CACNA1E: variants seen among roughly 807,000 people sequenced by gnomAD.
The protein encoded by CACNA1E is calcium voltage-gated channel subunit alpha1 E, also known as voltage-dependent R-type calcium channel subunit alpha-1E.
CACNA1E carries 40 observed loss-of-function variants against 259.2 expected under a neutral mutation model. The ratio of observed to expected loss-of-function variants is 0.15; its 90% CI spans 0.12 to 0.20. The LOEUF is 0.20. Among genes scored for constraint, CACNA1E ranks in the 10% least tolerant of loss-of-function variants. CACNA1E has a pLI of 1.00. For missense variants in CACNA1E, 1,874 were observed against 3,040.1 expected (o/e 0.62, Z 9.02); for synonymous variants, 1,104 against 1,138.5 (o/e 0.97, Z 0.61).
intron 1 of CACNA1E, among the ~76,000 whole-genome samples, chr1:181,377,239 A>G (rs1381297394): frequency 6.6e-6 from 1 of 152,194 alleles, no homozygotes; most frequent in African/African-American, 2.4e-5. Flanking sequence ...GTGGAGTTTT[A>G]GTTGGACTTC....
intron 44 of CACNA1E, 89 bp from the exon 45 acceptor site, chr1:181,793,576 A>C: frequency 1.4e-6 from 2 of 1,420,408 alleles, no homozygotes; most frequent in Non-Finnish European, 1.9e-6. Context: ...TTTGAAAGCC[A>C]TTCTTGAGGA....
At chr1:181,599,369 C>T (rs990652348) in intron 6 of CACNA1E, among the ~76,000 whole-genome samples, 21 of 152,096 alleles carry the variant, frequency 1.4e-4, no homozygotes, top group Admixed American at 4.6e-4. Context: ...CTATCATTGA[C>T]GGGCATTTAG....
intron 37 of CACNA1E, among the ~76,000 whole-genome samples, chr1:181,772,731 A>G (rs1659628661): frequency 6.6e-6 from 1 of 152,186 alleles, no homozygotes; most frequent in African/African-American, 2.4e-5. Context: ...AATGGAATAA[A>G]TGTGGTTCTC....
rs772477146 is a variant in CACNA1E, at chr1:181,472,722, CGT to C, written c.435-11014_435-11013del. Among the ~76,000 whole-genome samples the C allele has an allele frequency of 1.1e-3, 164 of 152,246 alleles. 2 individuals are homozygous for C. Among genetic ancestry groups the C allele is most frequent in the Admixed American group, 1.7e-3 (26 of 15,294 alleles). On this transcript the variant is annotated intron_variant, in intron 2 of 11. Transcript: ENST00000524607. ...TCTTCAGGTTTTAGATGCACGCGTG[CGT>C]GTGTGTGCGCGCGCACTTGAGGTAT...
At chr1:181,685,328 T>C (rs777895250) in intron 7 of CACNA1E, among the ~76,000 whole-genome samples, 1 of 151,218 alleles carries the variant, frequency 6.6e-6, no homozygotes, top group Non-Finnish European at 1.5e-5. Context: ...CAACCATATA[T>C]ATTATACCTC....
rs556662313 is a variant in CACNA1E, at chr1:181,496,194, A to G, written c.266+12184A>G. Among the ~76,000 whole-genome samples the G allele has an allele frequency of 7.2e-5, 11 of 152,348 alleles. No homozygotes were observed. In the South Asian group the frequency reaches 2.3e-3, roughly 32 times the overall value. ...TTTATATGTTTCTAATGCTGATTTT[A>G]TACCAGTATTGTACCTAAGGACATA... is the stretch of plus-strand genomic sequence containing the variant. On this transcript the variant is annotated intron_variant, in intron 1 of 47. Transcript: ENST00000367573.
At chr1:181,334,873 G>A (rs1461839618) in intron 1 of CACNA1E, among the ~76,000 whole-genome samples, 1 of 152,204 alleles carries the variant, frequency 6.6e-6, no homozygotes, top group Non-Finnish European at 1.5e-5. Flanking sequence ...GTAGAAGTTA[G>A]AGCCTTAAAA....
In CACNA1E at chr1:181,771,330, T is replaced by C; in HGVS notation, c.4919T>C (p.Ile1640Thr). The change falls in exon 36 of 48, where the codon ATC (isoleucine) becomes ACC (threonine). Residue 1640 changes from isoleucine (I) to threonine (T), a missense_variant. Physicochemically the swap from Ile to Thr is moderately conservative, Grantham distance 89. Coordinates refer to ENST00000367573, the MANE Select transcript of CACNA1E (RefSeq NM_001205293.3). ...GNIKLDEESH[I>T]NRHNNFRSFF... is the part of the protein sequence containing the mutation. ...ATAAAATTAGACGAGGAGAGTCACA[T>C]CAACCGGCACAACAACTTCCGGAGT... is the stretch of plus-strand genomic sequence containing the variant. 6.2e-7 allele frequency: 1 copy of C among 1,601,372 alleles called. No homozygotes were observed. The highest frequency in any genetic ancestry group is 1.1e-5 in the South Asian group (1 of 88,824).
intron 6 of CACNA1E, among the ~76,000 whole-genome samples, chr1:181,598,296 G>A (rs887352299): frequency 1.3e-5 from 2 of 152,216 alleles, no homozygotes; most frequent in African/African-American, 4.8e-5. Flanking sequence ...CTTGTGTTCA[G>A]TGGATGCCTT....
chr1:181,590,016 T>C (rs1652470552), intron 6 of CACNA1E, among the ~76,000 whole-genome samples: 1 of 152,154 alleles, frequency 6.6e-6, no homozygotes, highest in Non-Finnish European at 1.5e-5. Context: ...ATCCTCTCCT[T>C]AGCTGGTCCT....
rs191187288 is a variant in CACNA1E at position 181,772,242 on chromosome 1, T to C, written c.5139+11T>C. On this transcript the variant is annotated intron_variant, in intron 37 of 47. Transcript: ENST00000367573. ...TTCTGCTCCTTCTTGGTGAGCAACA[T>C]TGTGCTTTTGCCTTGCTATGTGGCC... 1.9e-6 allele frequency: 3 copies of C among 1,610,424 alleles called. No individual in the cohort carries two copies. Among genetic ancestry groups the C allele is most frequent in the East Asian group, 2.2e-5 (1 of 44,828 alleles).
chr1:181,548,024 A>G (rs920182362), intron 3 of CACNA1E, among the ~76,000 whole-genome samples: 1 of 152,186 alleles, frequency 6.6e-6, no homozygotes, highest in Non-Finnish European at 1.5e-5. Context: ...CCTGTCCACT[A>G]ACAGCATTGT....
chr1:181,405,801 C>G (rs146145821), intron 1 of CACNA1E, among the ~76,000 whole-genome samples: 1 of 152,324 alleles, frequency 6.6e-6, no homozygotes, highest in Non-Finnish European at 1.5e-5. Context: ...TAGGCCTTGC[C>G]TGTAAGCCTC....
At chr1:181,487,839 T>A (rs1037033806) in intron 1 of CACNA1E, among the ~76,000 whole-genome samples, 1 of 152,196 alleles carries the variant, frequency 6.6e-6, no homozygotes, top group African/African-American at 2.4e-5. Flanking sequence ...GCTTGGAGAC[T>A]CTATGCCAGA....
At chr1:181,756,144 T>C in intron 29 of CACNA1E, 51 bp downstream of exon 29, 2 of 1,549,880 alleles carry the variant, frequency 1.3e-6, no homozygotes, top group South Asian at 1.2e-5. Flanking sequence ...GGACCCCTGG[T>C]TGCCTTGAGA....
chr1:181,713,332 T>G (rs971454483), intron 8 of CACNA1E, among the ~76,000 whole-genome samples: 26 of 152,318 alleles, frequency 1.7e-4, no homozygotes, highest in African/African-American at 6.0e-4. Flanking sequence ...AAGTTCCTAA[T>G]TTTTAAATGA....
chr1:181,571,909 C>T (rs1332218425), intron 3 of CACNA1E, among the ~76,000 whole-genome samples: 1 of 152,116 alleles, frequency 6.6e-6, no homozygotes, highest in Non-Finnish European at 1.5e-5. Flanking sequence ...CTGGTGTTTT[C>T]TGGTTACTAC....
chr1:181,645,431 C>CT (rs1658177996), intron 6 of CACNA1E, among the ~76,000 whole-genome samples: 1 of 152,138 alleles, frequency 6.6e-6, no homozygotes, highest in African/African-American at 2.4e-5. Context: ...TCCCCACCCT[C>CT]TTTTTTCTTC....
At chr1:181,584,385 A>G (rs772483995) in intron 6 of CACNA1E, among the ~76,000 whole-genome samples, 24 of 152,180 alleles carry the variant, frequency 1.6e-4, no homozygotes, top group Non-Finnish European at 2.9e-4. Flanking sequence ...CCAAGCTGCT[A>G]TGGTGGAAGG....
Sources: allele counts gnomAD v4.1 joint callset (sites outside exome capture counted in the v4.1 genomes callset), GRCh38; gene constraint gnomAD v4.1.1; transcripts MANE v1.5; gene names NCBI Gene and HGNC (gene_info 2026-07-23, HGNC 2026-07-21).